Variants in KSR2 observed in about 807,000 individuals in gnomAD.
The protein encoded by KSR2 is kinase suppressor of ras 2.
Under a neutral mutation model 107.8 loss-of-function variants are expected in KSR2, and 25 were observed. The ratio of observed to expected loss-of-function variants is 0.23; its 90% CI spans 0.17 to 0.32. KSR2 has a LOEUF of 0.32. Among genes scored for constraint, KSR2 ranks in the 10% least tolerant of loss-of-function variants. The probability of loss-of-function intolerance (pLI) is 1.00; values close to 1 mark genes in which losing one functional copy is unlikely to be tolerated. For synonymous variants in KSR2, 480 were observed against 507.0 expected (o/e 0.95, Z 0.71); for missense variants, 887 against 1,268.9 (o/e 0.70, Z 4.57).
In KSR2 at chr12:117,551,753, AAG is replaced by A. The variant is rs530079136; in HGVS notation, c.1518+3414_1518+3415del. On this transcript the variant is annotated intron_variant, in intron 9 of 19. Coordinates refer to ENST00000339824, the MANE Select transcript of KSR2 (RefSeq NM_173598.6). ...TCTGTGTGAAGCCAGCGAGAAGGGA[AAG>A]AGGGGAAAAAATAACGCAGCCCTAT... is the stretch of plus-strand genomic sequence containing the variant. Among the ~76,000 whole-genome samples the A allele has an allele frequency of 3.3e-4, 50 of 152,338 alleles. No homozygotes were observed. In the South Asian group the frequency reaches 0.01, roughly 32 times the overall value.
intron 9 of KSR2, among the ~76,000 whole-genome samples, chr12:117,545,426 T>C (rs1876785313): frequency 6.6e-6 from 1 of 152,154 alleles, no homozygotes; most frequent in African/African-American, 2.4e-5. Flanking sequence ...TGGAGATTTC[T>C]TTTTTTGGAG....
chr12:117,787,076 G>C (rs536036405), intron 3 of KSR2, among the ~76,000 whole-genome samples: 2 of 151,812 alleles, frequency 1.3e-5, no homozygotes, highest in South Asian at 4.2e-4. Context: ...CAAACATCAA[G>C]CTTCCTTCCT....
intron 4 of KSR2, among the ~76,000 whole-genome samples, chr12:117,717,707 G>GCA (rs1450577366): frequency 1.5e-4 from 22 of 142,930 alleles, no homozygotes; most frequent in African/African-American, 5.1e-4. Flanking sequence ...GTGTGTGTGT[G>GCA]TGTGTGCATG....
At chr12:117,840,303 G>A (rs1451452382) in intron 3 of KSR2, among the ~76,000 whole-genome samples, 1 of 152,018 alleles carries the variant, frequency 6.6e-6, no homozygotes, top group Non-Finnish European at 1.5e-5. Flanking sequence ...TCACCATGTT[G>A]GCCAGGCTGT....
At chr12:117,545,222 G>T (rs1876769741) in intron 9 of KSR2, among the ~76,000 whole-genome samples, 1 of 151,970 alleles carries the variant, frequency 6.6e-6, no homozygotes. Flanking sequence ...ATTTTGTTAA[G>T]AATTTTCGCA....
At chr12:117,679,589 G>T (rs906953334) in intron 4 of KSR2, among the ~76,000 whole-genome samples, 1 of 152,120 alleles carries the variant, frequency 6.6e-6, no homozygotes, top group Non-Finnish European at 1.5e-5. Context: ...ATAAGGGTAC[G>T]GGTGTCTCAA....
intron 12 of KSR2, among the ~76,000 whole-genome samples, chr12:117,530,733 C>T (rs1875561003): frequency 6.6e-6 from 1 of 152,154 alleles, no homozygotes; most frequent in African/African-American, 2.4e-5. Flanking sequence ...AGCATTGCCT[C>T]TCTCTCCATC....
intron 5 of KSR2, among the ~76,000 whole-genome samples, chr12:117,663,986 C>A (rs1383820108): frequency 6.6e-6 from 1 of 152,234 alleles, no homozygotes; most frequent in Non-Finnish European, 1.5e-5. Context: ...CTCTCTATTT[C>A]TCTGGGAAGC....
intron 1 of KSR2, among the ~76,000 whole-genome samples, chr12:117,912,342 T>C (rs145554122): frequency 3.1e-3 from 467 of 152,332 alleles, no homozygotes; most frequent in Non-Finnish European, 5.0e-3. Flanking sequence ...TAAAACAGAA[T>C]TGTATGATTC....
chr12:117,806,098 G>A lies in KSR2; in HGVS notation c.473-44574C>T, dbSNP rs11833648. ...CCCAGCTGAGGCATGTGAACATTAA[G>A]TGTGTGGAGCGCCGTTTTAAACAAC... is the stretch of plus-strand genomic sequence containing the variant. On this transcript the variant is annotated intron_variant, in intron 3 of 19. Coordinates refer to ENST00000339824, the MANE Select transcript of KSR2 (RefSeq NM_173598.6). 1.9e-3 allele frequency among the ~76,000 whole-genome samples: 292 copies of A among 152,326 alleles called. 3 individuals are homozygous for A. The highest frequency in any genetic ancestry group is 6.8e-3 in the African/African-American group (283 of 41,568).
At chr12:117,570,775 T>C (rs546019644) in intron 7 of KSR2, among the ~76,000 whole-genome samples, 1 of 152,316 alleles carries the variant, frequency 6.6e-6, no homozygotes, top group South Asian at 2.1e-4. Context: ...CCTCACTGTG[T>C]ATCAGAGAGG....
At chr12:117,646,619 C>T (rs1247596785) in intron 5 of KSR2, among the ~76,000 whole-genome samples, 1 of 152,136 alleles carries the variant, frequency 6.6e-6, no homozygotes, top group East Asian at 1.9e-4. Flanking sequence ...GGCCAATTAA[C>T]CCCGGGGATC....
intron 4 of KSR2, among the ~76,000 whole-genome samples, chr12:117,700,681 G>A (rs1034174464): frequency 5.3e-5 from 8 of 152,218 alleles, no homozygotes; most frequent in African/African-American, 1.7e-4. Flanking sequence ...TGGTGAAGAC[G>A]CTATTAACCG....
chr12:117,607,642 GA>G (rs1565923685), intron 5 of KSR2, among the ~76,000 whole-genome samples: 4 of 141,602 alleles, frequency 2.8e-5, no homozygotes, highest in African/African-American at 5.4e-5. Flanking sequence ...AGACCTCCCG[GA>G]GAGGGGAGGA....
chr12:117,656,995 T>G (rs900843340), intron 5 of KSR2, among the ~76,000 whole-genome samples: 19 of 122,146 alleles, frequency 1.6e-4, no homozygotes, highest in African/African-American at 6.2e-4. Context: ...TATATATATA[T>G]ATATATATAT....
chr12:117,963,876 T>C (rs756197258), intron 1 of KSR2, among the ~76,000 whole-genome samples: 1 of 152,198 alleles, frequency 6.6e-6, no homozygotes, highest in South Asian at 2.1e-4. Context: ...TCTCCCCTTT[T>C]GCTGCAATCT....
chr12:117,826,728 ACG>A (rs1210768766), intron 3 of KSR2, among the ~76,000 whole-genome samples: 3 of 143,024 alleles, frequency 2.1e-5, no homozygotes, highest in Non-Finnish European at 3.1e-5. Context: ...ACACACACAC[ACG>A]CCGAGAGAGA....
At chr12:117,813,752 A>G (rs2137056758) in intron 3 of KSR2, among the ~76,000 whole-genome samples, 1 of 152,308 alleles carries the variant, frequency 6.6e-6, no homozygotes, top group Admixed American at 6.5e-5. Flanking sequence ...TTGCCATATT[A>G]TCCAGCAATC....
At chr12:117,857,200 A>G (rs1174082110) in intron 2 of KSR2, among the ~76,000 whole-genome samples, 1 of 152,136 alleles carries the variant, frequency 6.6e-6, no homozygotes, top group Non-Finnish European at 1.5e-5. Flanking sequence ...CTGGGACTAC[A>G]GGCATGCACC....
Sources: allele counts gnomAD v4.1 joint callset (sites outside exome capture counted in the v4.1 genomes callset), GRCh38; gene constraint gnomAD v4.1.1; transcripts MANE v1.5; gene names NCBI Gene and HGNC (gene_info 2026-07-23, HGNC 2026-07-21).